The following GLIS3 variants were observed in gnomAD, a reference collection of about 807,000 sequenced individuals.
GLIS3 encodes the protein zinc finger protein GLIS3.
In GLIS3, 53 loss-of-function variants were observed where a neutral mutation model predicts 78.6. The observed-to-expected ratio is 0.67, with a 90% confidence interval of 0.54 to 0.85. GLIS3 has a LOEUF of 0.85. Among genes scored for constraint, GLIS3 ranks in the 40% least tolerant of loss-of-function variants. The probability of loss-of-function intolerance (pLI) is 0.00; values close to 1 mark genes in which losing one functional copy is unlikely to be tolerated. For synonymous variants in GLIS3, 684 were observed against 509.9 expected (o/e 1.34, Z -4.60); for missense variants, 1,703 against 1,231.1 (o/e 1.38, Z -5.74).
the GLIS3 span, among the ~76,000 whole-genome samples, chr9:4,433,909 A>G: frequency 3.9e-5 from 6 of 152,192 alleles, no homozygotes; most frequent in African/African-American, 1.2e-4. Flanking sequence ...ATCCTGGCCA[A>G]CATGGTGAAA....
At chr9:4,405,986 G>A in the GLIS3 span, among the ~76,000 whole-genome samples, 1 of 152,166 alleles carries the variant, frequency 6.6e-6, no homozygotes, top group Non-Finnish European at 1.5e-5. Flanking sequence ...TTCAATGGAT[G>A]CTGAAAAAGC....
chr9:4,217,477 T>C (rs770154401), intron 2 of GLIS3, among the ~76,000 whole-genome samples: 22 of 152,196 alleles, frequency 1.4e-4, no homozygotes, highest in Non-Finnish European at 2.5e-4. Context: ...AGTGCACTTA[T>C]ATATAGTATA....
At chr9:4,227,539 A>G (rs1364654367) in intron 2 of GLIS3, among the ~76,000 whole-genome samples, 1 of 152,178 alleles carries the variant, frequency 6.6e-6, no homozygotes, top group Non-Finnish European at 1.5e-5. Flanking sequence ...TGCTGTAGTA[A>G]TTCCATGTGA....
the GLIS3 span, among the ~76,000 whole-genome samples, chr9:4,415,753 C>CA: frequency 6.6e-6 from 1 of 151,252 alleles, no homozygotes; most frequent in South Asian, 2.1e-4. Context: ...GAAACAAAAA[C>CA]AAAAAATCAC....
rs528471067 is a variant in GLIS3 at position 4,144,563 on chromosome 9, TG to T, written c.389-18623del. On this transcript the variant is annotated intron_variant, in intron 2 of 10. Transcript: ENST00000381971. ...TCTACATGCCAAAAAGTCAGAGATG[TG>T]GTTAAGGGCAAGAAGGAACTATTAA... Among the ~76,000 whole-genome samples, 349 of 152,306 alleles carry T rather than the reference TG, an allele frequency of 2.3e-3. 2 individuals carry two copies. The highest frequency in any genetic ancestry group is 8.1e-3 in the African/African-American group (335 of 41,564).
intron 4 of GLIS3, among the ~76,000 whole-genome samples, chr9:3,974,583 C>T (rs1013877172): frequency 1.3e-5 from 2 of 152,088 alleles, no homozygotes; most frequent in Non-Finnish European, 2.9e-5. Context: ...CATTTGTGCC[C>T]GCAGAAAAAC....
At chr9:3,920,254 C>G (rs147548027) in intron 6 of GLIS3, among the ~76,000 whole-genome samples, 1 of 152,058 alleles carries the variant, frequency 6.6e-6, no homozygotes, top group Admixed American at 6.5e-5. Flanking sequence ...CCACCCGCCT[C>G]GGCCTCCCAA....
intron 4 of GLIS3, among the ~76,000 whole-genome samples, chr9:3,962,784 G>A (rs566055221): frequency 6.6e-6 from 1 of 152,162 alleles, no homozygotes; most frequent in Non-Finnish European, 1.5e-5. Context: ...CTTCACTCTA[G>A]CAAAAGGGAT....
chr9:4,441,923 T>C, the GLIS3 span, among the ~76,000 whole-genome samples: 1 of 152,160 alleles, frequency 6.6e-6, no homozygotes, highest in Non-Finnish European at 1.5e-5. Context: ...TTTTTTGTTG[T>C]TGTCTTTGTT....
At chr9:4,116,926 C>G (rs1481665025) in intron 4 of GLIS3, among the ~76,000 whole-genome samples, 1 of 152,122 alleles carries the variant, frequency 6.6e-6, no homozygotes, top group Non-Finnish European at 1.5e-5. Flanking sequence ...AAGGGTGATG[C>G]CCTGTTTATA....
chr9:4,333,970 G>A (rs1313986112), intron 2 of GLIS3, among the ~76,000 whole-genome samples: 1 of 152,192 alleles, frequency 6.6e-6, no homozygotes, highest in Non-Finnish European at 1.5e-5. Context: ...GATGACCTCT[G>A]CAGGAGAGGA....
intron 2 of GLIS3, among the ~76,000 whole-genome samples, chr9:4,314,102 G>A (rs1817404415): frequency 1.3e-5 from 2 of 152,176 alleles, no homozygotes; most frequent in Non-Finnish European, 2.9e-5. Flanking sequence ...ACCTTTGTGT[G>A]CCTCAGTTTT....
chr9:4,239,095 C>T (rs1823044596), intron 2 of GLIS3, among the ~76,000 whole-genome samples: 1 of 141,640 alleles, frequency 7.1e-6, no homozygotes, highest in South Asian at 2.2e-4. Flanking sequence ...CATTGTTGGA[C>T]ATTTGGGTTG....
chr9:4,332,212 T>C (rs1817697419), intron 2 of GLIS3, among the ~76,000 whole-genome samples: 4 of 152,134 alleles, frequency 2.6e-5, no homozygotes, highest in South Asian at 2.1e-4. Flanking sequence ...TCCAACACTA[T>C]AGGATCAACA....
intron 2 of GLIS3, among the ~76,000 whole-genome samples, chr9:4,310,848 G>A (rs771592940): frequency 6.6e-6 from 1 of 152,192 alleles, no homozygotes; most frequent in Non-Finnish European, 1.5e-5. Context: ...AATGGGGGTG[G>A]TGATGTTGAT....
chr9:4,078,430 C>T (rs1001490911), intron 4 of GLIS3, among the ~76,000 whole-genome samples: 2 of 152,152 alleles, frequency 1.3e-5, no homozygotes, highest in Non-Finnish European at 2.9e-5. Context: ...AAGTGCACTT[C>T]CAAATCTTCT....
chr9:4,201,230 C>T (rs1278378256), intron 2 of GLIS3, among the ~76,000 whole-genome samples: 2 of 152,120 alleles, frequency 1.3e-5, no homozygotes, highest in Non-Finnish European at 2.9e-5. Context: ...CAATATCATA[C>T]TAAACAGACA....
At position 3,851,146 on chromosome 9, in the gene GLIS3, C is replaced by G. The variant is rs141357286; in HGVS notation, c.2473+4863G>C. Among the ~76,000 whole-genome samples the G allele has an allele frequency of 1.4e-4, 22 of 152,258 alleles. No homozygotes were observed. In the East Asian group the frequency reaches 3.7e-3, roughly 25 times the overall value. ...CTGTTGTAGGAATTCTCGTGGCATG[C>G]TGATAATCCTGGAGTGAATAGGGTA... On this transcript the variant is annotated intron_variant, in intron 9 of 10. Coordinates refer to ENST00000381971, the MANE Select transcript of GLIS3 (RefSeq NM_001042413.2).
At chr9:4,301,279 G>C (rs543368224), upstream of GLIS3, among the ~76,000 whole-genome samples, 6 of 152,256 alleles carry the variant, frequency 3.9e-5, no homozygotes, top group South Asian at 1.2e-3. Context: ...GTCAGGATAT[G>C]TCATTCTGTC....
Sources: allele counts gnomAD v4.1 joint callset (sites outside exome capture counted in the v4.1 genomes callset), GRCh38; gene constraint gnomAD v4.1.1; transcripts MANE v1.5; gene names NCBI Gene and HGNC (gene_info 2026-07-23, HGNC 2026-07-21).